The following PTPRM variants were observed in gnomAD, a reference collection of about 807,000 sequenced individuals.
PTPRM encodes receptor-type tyrosine-protein phosphatase mu.
PTPRM carries 47 observed loss-of-function variants against 186.7 expected under a neutral mutation model. The ratio of observed to expected loss-of-function variants is 0.25; its 90% CI spans 0.20 to 0.32. The LOEUF (loss-of-function observed/expected upper bound fraction) is 0.32, where lower values mean the gene tolerates loss of function less well. Ranked by LOEUF, PTPRM falls within the 10% of genes least tolerant of loss-of-function variation. PTPRM has a pLI of 1.00. For synonymous variants in PTPRM, 668 were observed against 674.9 expected (o/e 0.99, Z 0.16); for missense variants, 1,494 against 1,865.0 (o/e 0.80, Z 3.66).
chr18:8,012,857 G>C (rs2070765335), intron 7 of PTPRM, among the ~76,000 whole-genome samples: 1 of 152,124 alleles, frequency 6.6e-6, no homozygotes. Context: ...CAAATGAAGT[G>C]TATTTTTTTT....
At chr18:7,805,058 G>A (rs973541064) in intron 2 of PTPRM, among the ~76,000 whole-genome samples, 15 of 152,182 alleles carry the variant, frequency 9.9e-5, no homozygotes, top group Admixed American at 8.5e-4. Context: ...CTTTATTTAT[G>A]TTAAAAGTGA....
chr18:7,720,123 C>A (rs190278373), intron 1 of PTPRM, among the ~76,000 whole-genome samples: 171 of 152,206 alleles, frequency 1.1e-3, no homozygotes, highest in African/African-American at 4.0e-3. Context: ...TTTGATAGGA[C>A]AACTCATTAT....
chr18:7,624,310 G>C (rs926180798), intron 1 of PTPRM, among the ~76,000 whole-genome samples: 1 of 152,078 alleles, frequency 6.6e-6, no homozygotes, highest in Non-Finnish European at 1.5e-5. Flanking sequence ...TTCATAATAA[G>C]GTCAGAGTAC....
intron 14 of PTPRM, among the ~76,000 whole-genome samples, chr18:8,192,831 G>T (rs2093726422): frequency 6.6e-6 from 1 of 152,090 alleles, no homozygotes; most frequent in Non-Finnish European, 1.5e-5. Context: ...GTCACCTATA[G>T]ATTACTTAAT....
intron 3 of PTPRM, among the ~76,000 whole-genome samples, chr18:7,895,730 G>A (rs2049320648): frequency 6.6e-6 from 1 of 152,166 alleles, no homozygotes; most frequent in Non-Finnish European, 1.5e-5. Flanking sequence ...ATCAGCATCT[G>A]AACTCTGCAA....
chr18:7,894,568 A>G (rs1258419434), intron 3 of PTPRM, among the ~76,000 whole-genome samples: 2 of 152,054 alleles, frequency 1.3e-5, no homozygotes, highest in African/African-American at 4.8e-5. Flanking sequence ...CCTAGGGGGC[A>G]GAGCAAGACT....
chr18:7,780,622 G>A (rs1216131143), intron 2 of PTPRM, among the ~76,000 whole-genome samples: 1 of 152,126 alleles, frequency 6.6e-6, no homozygotes, highest in African/African-American at 2.4e-5. Flanking sequence ...ACTACTATGG[G>A]CCTGGCTATA....
intron 1 of PTPRM, among the ~76,000 whole-genome samples, chr18:7,586,097 C>T (rs1207243280): frequency 2.0e-5 from 3 of 152,188 alleles, no homozygotes; most frequent in Admixed American, 1.3e-4. Flanking sequence ...TGGCCAAGAT[C>T]AGGCAAATTG....
chr18:7,757,585 T>C (rs955780716), intron 1 of PTPRM, among the ~76,000 whole-genome samples: 2 of 152,138 alleles, frequency 1.3e-5, no homozygotes, highest in African/African-American at 4.8e-5. Flanking sequence ...GGCTCATCTG[T>C]TCTTGGGAAG....
intron 14 of PTPRM, among the ~76,000 whole-genome samples, chr18:8,214,296 T>G (rs1431714818): frequency 6.6e-6 from 1 of 152,200 alleles, no homozygotes; most frequent in East Asian, 1.9e-4. Context: ...TAGAAAACTT[T>G]TAAAAAATTA....
chr18:7,611,559 G>C (rs1374752862), intron 1 of PTPRM, among the ~76,000 whole-genome samples: 1 of 152,166 alleles, frequency 6.6e-6, no homozygotes, highest in East Asian at 1.9e-4. Context: ...AGGAGCAATA[G>C]GCCATACCAG....
At chr18:8,176,768 G>A (rs987286618) in intron 14 of PTPRM, among the ~76,000 whole-genome samples, 1 of 152,202 alleles carries the variant, frequency 6.6e-6, no homozygotes, top group Admixed American at 6.5e-5. Flanking sequence ...CAGGGAAAAA[G>A]ATCAAGGTCA....
intron 1 of PTPRM, among the ~76,000 whole-genome samples, chr18:7,608,856 A>T (rs2037601584): frequency 6.6e-6 from 1 of 152,186 alleles, no homozygotes; most frequent in Non-Finnish European, 1.5e-5. Context: ...GGGGTATGGG[A>T]TAAGGGAAGA....
intron 14 of PTPRM, among the ~76,000 whole-genome samples, chr18:8,178,629 C>G (rs2146548128): frequency 6.6e-6 from 1 of 151,212 alleles, no homozygotes; most frequent in South Asian, 2.1e-4. Flanking sequence ...ACTAAAAATA[C>G]AAAAAAAACT....
At chr18:8,347,305 A>G (rs921493775) in intron 23 of PTPRM, among the ~76,000 whole-genome samples, 3 of 152,170 alleles carry the variant, frequency 2.0e-5, no homozygotes, top group Non-Finnish European at 4.4e-5. Context: ...TTTTTGCTTA[A>G]TTGGAATTCC....
At chr18:8,401,865 G>A (rs138187413) in intron 32 of PTPRM, among the ~76,000 whole-genome samples, 15 of 152,312 alleles carry the variant, frequency 9.8e-5, no homozygotes, top group East Asian at 7.7e-4. Flanking sequence ...GATCGGGAGC[G>A]GGGCCAGCGT....
chr18:8,077,328 T>C (rs1324258152), intron 9 of PTPRM, among the ~76,000 whole-genome samples: 20 of 152,046 alleles, frequency 1.3e-4, no homozygotes, highest in Admixed American at 1.3e-3. Context: ...TTGAATACCT[T>C]TCAGAACTAC....
At chr18:8,149,579 C>T (rs1374340200) in intron 14 of PTPRM, among the ~76,000 whole-genome samples, 1 of 152,176 alleles carries the variant, frequency 6.6e-6, no homozygotes, top group Non-Finnish European at 1.5e-5. Flanking sequence ...ATACAGCACA[C>T]TGATGGGTCT....
At chr18:7,627,241 T>C (rs1316404098) in intron 1 of PTPRM, among the ~76,000 whole-genome samples, 2 of 152,290 alleles carry the variant, frequency 1.3e-5, no homozygotes, top group African/African-American at 2.4e-5. Context: ...CCCTTTTCAA[T>C]TTTTGGTTAT....
Sources: gnomAD v4.1 joint callset for allele counts (sites outside exome capture counted in the v4.1 genomes callset) on GRCh38, gnomAD v4.1.1 for gene constraint, MANE v1.5 for transcripts, NCBI Gene and HGNC (gene_info 2026-07-23, HGNC 2026-07-21) for gene names.